The following ARHGEF10 variants were observed in gnomAD, a reference collection of about 807,000 sequenced individuals.
The protein encoded by ARHGEF10 is Rho guanine nucleotide exchange factor (GEF) 10.
Under a neutral mutation model 147.4 loss-of-function variants are expected in ARHGEF10, and 140 were observed. The ratio of observed to expected loss-of-function variants is 0.95; its 90% CI spans 0.83 to 1.09. The LOEUF is 1.09. ARHGEF10 is among the 50% of genes least tolerant of loss of function. ARHGEF10 has a pLI of 0.00. For missense variants in ARHGEF10, 2,222 were observed against 1,752.7 expected, an observed-to-expected ratio of 1.27 and a Z score of -4.78; for synonymous variants, 902 against 695.8, an observed-to-expected ratio of 1.30 and a Z score of -4.67.
At chr8:1,862,975 G>C (rs59791804) in intron 4 of ARHGEF10, among the ~76,000 whole-genome samples, 1 of 151,762 alleles carries the variant, frequency 6.6e-6, no homozygotes, top group African/African-American at 2.4e-5. Flanking sequence ...AGTAGAGACA[G>C]GGTTTCACCA....
At chr8:1,950,817 G>A (rs1211563850) in intron 27 of ARHGEF10, among the ~76,000 whole-genome samples, 2 of 148,344 alleles carry the variant, frequency 1.3e-5, no homozygotes, top group Non-Finnish European at 3.0e-5. Context: ...TGGCCTCAGG[G>A]GATCCACCCA....
chr8:1,942,408 C>T (rs1349592323), intron 26 of ARHGEF10, among the ~76,000 whole-genome samples: 1 of 151,794 alleles, frequency 6.6e-6, no homozygotes, highest in Non-Finnish European at 1.5e-5. Context: ...CACAGTGAGA[C>T]ACTGTGTCAC....
chr8:1,953,366 G>A (rs560060680), intron 28 of ARHGEF10, among the ~76,000 whole-genome samples: 7 of 148,676 alleles, frequency 4.7e-5, no homozygotes, highest in African/African-American at 1.7e-4. Context: ...GAAGGAAGCC[G>A]GGATCTCCGT....
At chr8:1,939,723 T>C in intron 26 of ARHGEF10, among the ~76,000 whole-genome samples, 1 of 152,098 alleles carries the variant, frequency 6.6e-6, no homozygotes. Context: ...AGACTACTGG[T>C]CCCCAAGGGG....
chr8:1,860,804 G>A (rs564754152), intron 4 of ARHGEF10, among the ~76,000 whole-genome samples: 16 of 152,166 alleles, frequency 1.1e-4, no homozygotes, highest in Admixed American at 4.6e-4. Context: ...TGTATGTCCC[G>A]TGTCACCTGC....
rs2129237651 is a variant in ARHGEF10, at chr8:1,933,940, G to A, written c.3220G>A (p.Glu1074Lys). The A allele has an allele frequency of 6.2e-7, 1 of 1,614,206 alleles. No homozygotes were observed. The highest frequency in any genetic ancestry group is 8.5e-7 in the Non-Finnish European group (1 of 1,180,044). ...FIISVETHAV[E>K]GQLEAHQEEG... Reference sequence around the variant, plus strand: ...CATCAGTGTGGAGACTCATGCTGTAGAGGTAAGTCACTTAGGTGGCTACAC... The same window carrying A: ...CATCAGTGTGGAGACTCATGCTGTAAAGGTAAGTCACTTAGGTGGCTACAC... The change falls in exon 26 of 29, where the codon GAG (glutamate) becomes AAG (lysine). Residue 1074 changes from glutamate to lysine, a missense_variant and splice_region_variant. Glu to Lys is a moderately conservative substitution (Grantham distance 56, BLOSUM62 1). Transcript: ENST00000349830.
intron 18 of ARHGEF10, among the ~76,000 whole-genome samples, chr8:1,918,334 T>C (rs1456720779): frequency 6.6e-6 from 1 of 152,102 alleles, no homozygotes; most frequent in Non-Finnish European, 1.5e-5. Flanking sequence ...CCGGCAGACA[T>C]AAAACGTCAG....
At chr8:1,862,263 G>A (rs34394357) in intron 4 of ARHGEF10, among the ~76,000 whole-genome samples, 14 of 152,228 alleles carry the variant, frequency 9.2e-5, no homozygotes, top group Non-Finnish European at 8.8e-5. Flanking sequence ...GGGCTTCCCC[G>A]GGACGTACAG....
intron 7 of ARHGEF10, chr8:1,870,965 TAGAC>T (rs1214242651): frequency 1.3e-5 from 2 of 151,836 alleles, no homozygotes; most frequent in Non-Finnish European, 2.9e-5. Context: ...ATACAAAAAT[TAGAC>T]AGGCGTGGTG....
chr8:1,942,777 T>C (rs115078528), intron 26 of ARHGEF10, among the ~76,000 whole-genome samples: 1 of 152,210 alleles, frequency 6.6e-6, no homozygotes, highest in African/African-American at 2.4e-5. Context: ...AAGCCCCAAC[T>C]CACGTCACGT....
chr8:1,887,829 A>G (rs547478420), intron 11 of ARHGEF10, among the ~76,000 whole-genome samples: 3 of 118,724 alleles, frequency 2.5e-5, no homozygotes, highest in African/African-American at 1.0e-4. Flanking sequence ...GAGAGGTGAA[A>G]GTTCTGAGGA....
At chr8:1,875,533 G>A (rs886495496) in intron 7 of ARHGEF10, among the ~76,000 whole-genome samples, 1 of 152,152 alleles carries the variant, frequency 6.6e-6, no homozygotes, top group African/African-American at 2.4e-5. Flanking sequence ...CCCGGGTGGT[G>A]ATCATTGTCC....
rs772047395 is a variant in ARHGEF10, at chr8:1,926,449, C to T, written c.2683C>T (p.His895Tyr). Residue 895 changes from histidine to tyrosine, a missense_variant, in exon 23 of 29, where the codon CAT (histidine) becomes TAT (tyrosine). By Grantham distance (83) the His-to-Tyr change is moderately conservative. Coordinates refer to ENST00000349830, the MANE Select transcript of ARHGEF10 (RefSeq NM_014629.4). Reference protein sequence around the residue: ...ESQPDSFSTAHGFLWIGSCTH... With the variant: ...ESQPDSFSTAYGFLWIGSCTH... ...CCAGCCAGATTCATTTTCCACGGCACATGGTTTCCTGTGGGTAAGATGTGT... is the reference window on the plus strand; with the variant it reads ...CCAGCCAGATTCATTTTCCACGGCATATGGTTTCCTGTGGGTAAGATGTGT... 3 of 1,613,908 alleles carry T rather than the reference C, an allele frequency of 1.9e-6. No homozygotes were observed. The African/African-American group carries it at 4.0e-5, about 22-fold the overall frequency.
At chr8:1,908,801 C>G (rs1042131705) in intron 17 of ARHGEF10, among the ~76,000 whole-genome samples, 1 of 150,364 alleles carries the variant, frequency 6.7e-6, no homozygotes, top group South Asian at 2.1e-4. Context: ...GGTTTTTTTT[C>G]GGTTCAATTT....
chr8:1,829,101 G>C (rs1039876817), intron 1 of ARHGEF10, among the ~76,000 whole-genome samples: 2 of 152,244 alleles, frequency 1.3e-5, no homozygotes, highest in African/African-American at 4.8e-5. Context: ...CGGCCAACCA[G>C]CCCGGCCAGG....
chr8:1,825,755 T>C (rs1411815035), intron 1 of ARHGEF10, among the ~76,000 whole-genome samples: 2 of 152,142 alleles, frequency 1.3e-5, no homozygotes, highest in African/African-American at 4.8e-5. Flanking sequence ...TAACTTTGGC[T>C]GCAAGTAAAA....
At chr8:1,936,927 C>T (rs1325712676) in intron 26 of ARHGEF10, among the ~76,000 whole-genome samples, 1 of 152,148 alleles carries the variant, frequency 6.6e-6, no homozygotes, top group African/African-American at 2.4e-5. Context: ...CGGCTGGCCC[C>T]TGGAGACGTG....
In ARHGEF10 at chr8:1,958,507, T is replaced by G. The variant is rs1815752594; in HGVS notation, c.*1244T>G. The G allele has an allele frequency of 6.6e-6, 1 of 152,200 alleles. No individual in the cohort carries two copies. Among genetic ancestry groups the G allele is most frequent in the Non-Finnish European group, 1.5e-5 (1 of 68,032 alleles). 9.4% of individuals were successfully genotyped at this position (152,200 alleles called of 1,614,324 possible). A position where few individuals can be genotyped will look rare whatever the true frequency, so the allele number is the denominator to read the frequency against. On this transcript the variant is annotated 3_prime_UTR_variant, in exon 29 of 29. Transcript: ENST00000349830. ...TCAGCACTTTACAGATGACTAAAAA[T>G]GTTAATTTTATGACTTAGCCAAATA...
chr8:1,840,280 G>T (rs1221346375), intron 1 of ARHGEF10, among the ~76,000 whole-genome samples: 252 of 134,966 alleles, frequency 1.9e-3, no homozygotes, highest in Middle Eastern at 4.2e-3. Context: ...CCGGTGTGGG[G>T]ACTGTCCTGT....
Sources: allele counts gnomAD v4.1 joint callset (sites outside exome capture counted in the v4.1 genomes callset), GRCh38; gene constraint gnomAD v4.1.1; transcripts MANE v1.5; gene names NCBI Gene and HGNC (gene_info 2026-07-23, HGNC 2026-07-21).